The following CEACAM21 variants were observed in gnomAD, a reference collection of about 807,000 sequenced individuals.
The protein encoded by CEACAM21 is CEA cell adhesion molecule 21.
Under a neutral mutation model 33.2 loss-of-function variants are expected in CEACAM21, and 38 were observed. The observed-to-expected ratio is 1.14, with a 90% CI of 0.88 to 1.50. The LOEUF (loss-of-function observed/expected upper bound fraction) is 1.50. Ranked by LOEUF, CEACAM21 falls within the 40% of genes most tolerant of loss-of-function variation. The pLI is 0.00. For missense variants in CEACAM21, 385 were observed against 364.6 expected, an observed-to-expected ratio of 1.06 and a Z score of -0.46; for synonymous variants, 156 against 143.0, an observed-to-expected ratio of 1.09 and a Z score of -0.65.
upstream of CEACAM21, among the ~76,000 whole-genome samples, chr19:41,572,596 C>T (rs576818466): frequency 1.3e-5 from 2 of 152,286 alleles, no homozygotes; most frequent in African/African-American, 4.8e-5. Context: ...GGTGAGTCTG[C>T]AGAGCTCAGG....
chr19:41,562,315 A>G (rs2041938158), intron 1 of CEACAM21, among the ~76,000 whole-genome samples: 1 of 152,084 alleles, frequency 6.6e-6, no homozygotes, highest in Non-Finnish European at 1.5e-5. Context: ...TTAAGAAAAA[A>G]AAAAGAAGAA....
intron 1 of CEACAM21, among the ~76,000 whole-genome samples, 192 bp downstream of exon 1, chr19:41,576,530 C>T (rs1555791132): frequency 6.6e-6 from 1 of 152,226 alleles, no homozygotes; most frequent in African/African-American, 2.4e-5. Context: ...CTCAGTTGGT[C>T]CATGTTTTCA....
At position 41,579,475 on chromosome 19, in the gene CEACAM21, C is replaced by T. The variant is rs368535219; in HGVS notation, c.547C>T (p.Arg183Cys). 1.9e-4 allele frequency: 313 copies of T among 1,613,890 alleles called. No homozygotes were observed. Among genetic ancestry groups the T allele is most frequent in the Non-Finnish European group, 2.5e-4 (291 of 1,179,854 alleles). ...TSFQWIFNNQ[R>C]LQVTKRMKLS... ...TTTCCAGTGGATTTTCAACAACCAGCGTCTGCAGGTCACGAAGAGGATGAA... is the reference window on the plus strand; with the variant it reads ...TTTCCAGTGGATTTTCAACAACCAGTGTCTGCAGGTCACGAAGAGGATGAA... The change falls in exon 3 of 7, where the codon CGT (arginine) becomes TGT (cysteine). Residue 183 changes from arginine (R) to cysteine (C), a missense_variant. Physicochemically the swap from Arg to Cys is radical, Grantham distance 180. Transcript: ENST00000401445.
upstream of CEACAM21, among the ~76,000 whole-genome samples, chr19:41,572,442 GC>G (rs1276821423): frequency 3.3e-5 from 5 of 152,122 alleles, no homozygotes; most frequent in African/African-American, 1.2e-4. Context: ...GATCCTCAAG[GC>G]AGGAGCGATG....
chr19:41,559,717 A>G (rs1555786360), intron 1 of CEACAM21, among the ~76,000 whole-genome samples: 13 of 152,246 alleles, frequency 8.5e-5, no homozygotes, highest in Non-Finnish European at 1.9e-4. Context: ...CAGACAACAG[A>G]CAATGAAAGG....
At chr19:41,558,563 C>T (rs1478167823) in intron 1 of CEACAM21, among the ~76,000 whole-genome samples, 1 of 152,184 alleles carries the variant, frequency 6.6e-6, no homozygotes, top group Non-Finnish European at 1.5e-5. Context: ...AGGAGAATCA[C>T]TTTAACCCAG....
At chr19:41,564,177 G>A (rs2042092283) in intron 1 of CEACAM21, among the ~76,000 whole-genome samples, 1 of 151,950 alleles carries the variant, frequency 6.6e-6, no homozygotes, top group Admixed American at 6.5e-5. Flanking sequence ...AAAATCGAGG[G>A]CATTGTGAAC....
chr19:41,584,453 C>T lies in CEACAM21; in HGVS notation c.797+10C>T, dbSNP rs1178231285. On this transcript the variant is annotated intron_variant, in intron 4 of 6. Coordinates refer to ENST00000401445, the MANE Select transcript of CEACAM21 (RefSeq NM_001098506.4). ...TCCGAAAAACTGGCAGGTACCACAG[C>T]TTTTCCCCATTCTGCTCCCATCCTT... 2.1e-5 allele frequency: 34 copies of T among 1,596,858 alleles called. No individual in the cohort carries two copies. The highest frequency in any genetic ancestry group is 6.7e-5 in the African/African-American group (5 of 74,680).
upstream of CEACAM21, among the ~76,000 whole-genome samples, chr19:41,575,198 G>C (rs2042858564): frequency 6.6e-6 from 1 of 152,142 alleles, no homozygotes; most frequent in Admixed American, 6.5e-5. Context: ...GAAGTGGGGA[G>C]TTATTGATTA....
At chr19:41,567,637 G>A (rs1265067046) in intron 2 of CEACAM21, among the ~76,000 whole-genome samples, 5 of 152,104 alleles carry the variant, frequency 3.3e-5, no homozygotes, top group Non-Finnish European at 7.4e-5. Context: ...TAATTTTAGG[G>A]TCACCTATAT....
intron 1 of CEACAM21, among the ~76,000 whole-genome samples, chr19:41,555,925 A>G (rs2041497241): frequency 6.6e-6 from 1 of 152,204 alleles, no homozygotes; most frequent in Non-Finnish European, 1.5e-5. Flanking sequence ...CAGCCGTTGC[A>G]CTCACAAAGG....
Position 41,585,540 on chromosome 19 carries a change from A to G in CEACAM21, c.850+45A>G, listed in dbSNP as rs782257785. Reference sequence around the variant, plus strand: ...GGGTGTGGCTGGGAACTACTAAGCCAGCCCCAAGTTGTCCACTCCTGCCAG... The same window carrying G: ...GGGTGTGGCTGGGAACTACTAAGCCGGCCCCAAGTTGTCCACTCCTGCCAG... On this transcript the variant is annotated intron_variant, in intron 5 of 6. Coordinates refer to ENST00000401445, the MANE Select transcript of CEACAM21 (RefSeq NM_001098506.4). 3.1e-6 allele frequency: 5 copies of G among 1,604,228 alleles called. No individual in the cohort carries two copies. In the African/African-American group the frequency reaches 5.4e-5, roughly 17 times the overall value.
intron 3 of CEACAM21, among the ~76,000 whole-genome samples, chr19:41,579,926 C>A (rs926085463): frequency 1.3e-5 from 2 of 152,136 alleles, no homozygotes; most frequent in Non-Finnish European, 2.9e-5. Context: ...GAGATTAATG[C>A]GATTAAAGCC....
intron 3 of CEACAM21, 29 bp from the exon 4 acceptor site, chr19:41,584,318 A>T: frequency 8.0e-5 from 115 of 1,437,616 alleles, no homozygotes; most frequent in Non-Finnish European, 1.0e-4. Context: ...ACAGATTTGG[A>T]CCTCATCCCC....
intron 4 of CEACAM21, 74 bp downstream of exon 4, chr19:41,584,517 T>C: frequency 7.5e-7 from 1 of 1,333,762 alleles, no homozygotes. Flanking sequence ...GACCCTGTCT[T>C]GTATTCAGTG....
intron 1 of CEACAM21, among the ~76,000 whole-genome samples, chr19:41,563,620 G>T (rs1476906402): frequency 1.3e-5 from 2 of 152,246 alleles, no homozygotes; most frequent in Non-Finnish European, 2.9e-5. Flanking sequence ...GGAAAATTCC[G>T]CGTGAAAGGC....
chr19:41,554,347 C>T (rs79838630), intron 1 of CEACAM21, among the ~76,000 whole-genome samples: 7,330 of 151,934 alleles, frequency 0.048, 506 homozygotes, highest in East Asian at 0.34. Context: ...GGTGACTGAA[C>T]GTTTTAGGGT....
chr19:41,562,611 A>G (rs1476644468), intron 1 of CEACAM21, among the ~76,000 whole-genome samples: 1 of 152,250 alleles, frequency 6.6e-6, no homozygotes, highest in Non-Finnish European at 1.5e-5. Context: ...GCAACAGGAG[A>G]ATACCTAATA....
intron 1 of CEACAM21, chr19:41,555,332 G>C (rs532399912): frequency 6.2e-5 from 9 of 145,794 alleles, no homozygotes; most frequent in Middle Eastern, 3.2e-3. Context: ...TCTTTGCAAG[G>C]AAACATATAG....
Sources: gnomAD v4.1 joint callset for allele counts (sites outside exome capture counted in the v4.1 genomes callset) on GRCh38, gnomAD v4.1.1 for gene constraint, MANE v1.5 for transcripts, NCBI Gene and HGNC (gene_info 2026-07-23, HGNC 2026-07-21) for gene names.